Variants in KCNIP1 observed in about 807,000 individuals in gnomAD.
KCNIP1 encodes the protein potassium voltage-gated channel interacting protein 1, also known as A-type potassium channel modulatory protein KCNIP1.
A neutral mutation model predicts 33.0 loss-of-function variants in KCNIP1; 18 were observed. The observed-to-expected ratio is 0.55, with a 90% CI of 0.38 to 0.81. The LOEUF (loss-of-function observed/expected upper bound fraction) is 0.81, where lower values mean the gene tolerates loss of function less well. Among genes scored for constraint, KCNIP1 ranks in the 30% least tolerant of loss-of-function variants. KCNIP1 has a pLI of 0.00. For missense variants in KCNIP1, 238 were observed against 271.6 expected, an observed-to-expected ratio of 0.88 and a Z score of 0.87; for synonymous variants, 93 against 98.3, an observed-to-expected ratio of 0.95 and a Z score of 0.32.
At chr5:170,398,819 G>A (rs1353299531) in intron 1 of KCNIP1, among the ~76,000 whole-genome samples, 2 of 152,140 alleles carry the variant, frequency 1.3e-5, no homozygotes, top group Admixed American at 6.5e-5. Flanking sequence ...AGGTTATTCT[G>A]TAAACTTTCT....
intron 1 of KCNIP1, among the ~76,000 whole-genome samples, chr5:170,599,865 AT>A: frequency 6.6e-6 from 1 of 152,334 alleles, no homozygotes; most frequent in South Asian, 2.1e-4. Flanking sequence ...AAGAAAATAT[AT>A]TCTACACAGC....
intron 1 of KCNIP1, among the ~76,000 whole-genome samples, chr5:170,674,761 A>G (rs1404491006): frequency 6.6e-6 from 1 of 152,160 alleles, no homozygotes; most frequent in African/African-American, 2.4e-5. Flanking sequence ...ATGCCAGGGG[A>G]AAACCAGGAA....
intron 1 of KCNIP1, chr5:170,389,657 C>A (rs1764634303): frequency 6.6e-6 from 1 of 152,134 alleles, no homozygotes; most frequent in Non-Finnish European, 1.5e-5. Context: ...GGCAAAGATG[C>A]CAGAAATAGG....
intron 1 of KCNIP1, among the ~76,000 whole-genome samples, chr5:170,423,833 T>A (rs556979245): frequency 6.6e-6 from 1 of 152,200 alleles, no homozygotes; most frequent in Non-Finnish European, 1.5e-5. Flanking sequence ...CCGGGTGCTG[T>A]ATAAATGTTT....
intron 1 of KCNIP1, chr5:170,681,050 G>A (rs889667215): frequency 2.5e-6 from 1 of 399,540 alleles, no homozygotes; most frequent in Non-Finnish European, 4.4e-6. Flanking sequence ...GCTTGCCGGT[G>A]CGCCAGGGTG....
At chr5:170,647,124 G>A (rs893521543) in intron 1 of KCNIP1, among the ~76,000 whole-genome samples, 1 of 152,132 alleles carries the variant, frequency 6.6e-6, no homozygotes, top group Admixed American at 6.5e-5. Context: ...CCAAATAAAT[G>A]AAGAGTATTC....
chr5:170,539,216 C>T lies in KCNIP1; in HGVS notation c.61+34583C>T, dbSNP rs114923989. ...TACAAGTCACTATTAATTCATATGT[C>T]GGGTTGTCACTTCCTGGTTTTACTT... On this transcript the variant is annotated intron_variant, in intron 1 of 7. Coordinates refer to ENST00000328939, the MANE Select transcript of KCNIP1 (RefSeq NM_014592.4). 3.8e-3 allele frequency among the ~76,000 whole-genome samples: 572 copies of T among 152,270 alleles called. 4 individuals carry two copies. The highest frequency in any genetic ancestry group is 5.7e-3 in the Non-Finnish European group (385 of 68,024).
intron 1 of KCNIP1, among the ~76,000 whole-genome samples, chr5:170,581,847 C>T (rs1219045176): frequency 6.6e-6 from 1 of 152,160 alleles, no homozygotes; most frequent in African/African-American, 2.4e-5. Flanking sequence ...AGCATGGATC[C>T]AGTGTCTGCA....
chr5:170,606,788 C>A (rs184333592), intron 1 of KCNIP1, among the ~76,000 whole-genome samples: 1 of 152,378 alleles, frequency 6.6e-6, no homozygotes, highest in Admixed American at 6.5e-5. Flanking sequence ...CCCAGGCCCA[C>A]TCTCACTTGT....
intron 1 of KCNIP1, among the ~76,000 whole-genome samples, chr5:170,598,945 G>GTGTGTGTGTGTGTGT (rs751735473): frequency 4.0e-5 from 6 of 148,292 alleles, no homozygotes; most frequent in African/African-American, 1.5e-4. Context: ...GTGTGTGTTT[G>GTGTGTGTGTGTGTGT]GTGGGGTGGG....
At chr5:170,419,322 G>C (rs1253772079) in intron 1 of KCNIP1, among the ~76,000 whole-genome samples, 1 of 152,168 alleles carries the variant, frequency 6.6e-6, no homozygotes, top group Non-Finnish European at 1.5e-5. Context: ...AGTAATCAGA[G>C]AGGTGGAGGA....
intron 1 of KCNIP1, among the ~76,000 whole-genome samples, chr5:170,522,344 T>A (rs1310157256): frequency 6.6e-6 from 1 of 152,176 alleles, no homozygotes; most frequent in Non-Finnish European, 1.5e-5. Context: ...TCCACCAGCA[T>A]CCCGATGAGT....
chr5:170,477,437 TTTTG>T (rs1276842909), intron 1 of KCNIP1, among the ~76,000 whole-genome samples: 1 of 151,996 alleles, frequency 6.6e-6, no homozygotes, highest in African/African-American at 2.4e-5. Context: ...TTTTGTTTTG[TTTTG>T]TTTATTTGTT....
At position 170,460,412 on chromosome 5, in the gene KCNIP1, T is replaced by C. The variant is rs571555611; in HGVS notation, c.88+106448T>C. Among the ~76,000 whole-genome samples, 259 of 152,254 alleles carry C rather than the reference T, an allele frequency of 1.7e-3. 1 individual carries two copies. Among genetic ancestry groups the C allele is most frequent in the South Asian group, 0.013 (63 of 4,826 alleles). ...AAAGAAAACTACAGACCAATATCCC[T>C]GATGAACATAGATGCAAAAAATCCT... On this transcript the variant is annotated intron_variant, in intron 1 of 7. Transcript: ENST00000377360.
intron 1 of KCNIP1, among the ~76,000 whole-genome samples, chr5:170,710,983 T>C (rs968716465): frequency 6.6e-6 from 1 of 152,160 alleles, no homozygotes; most frequent in Non-Finnish European, 1.5e-5. Flanking sequence ...ACCAACAACA[T>C]CCTTCCCAAA....
rs956989039 is a variant in KCNIP1, at chr5:170,439,060, T to C, written c.88+85096T>C. On this transcript the variant is annotated intron_variant, in intron 1 of 7. Transcript: ENST00000377360. The stretch of plus-strand genomic sequence containing the variant: ...ATCAACTTAGATCCTAGTGGTAGGG[T>C]GGAGGGCTACAAATCAACTGACAAT... 1.1e-4 allele frequency among the ~76,000 whole-genome samples: 17 copies of C among 152,004 alleles called. 1 individual carries two copies. The highest frequency in any genetic ancestry group is 9.8e-4 in the Admixed American group (15 of 15,274).
intron 1 of KCNIP1, among the ~76,000 whole-genome samples, chr5:170,554,506 T>C (rs180973741): frequency 2.6e-4 from 39 of 152,306 alleles, no homozygotes; most frequent in Admixed American, 2.1e-3. Context: ...GGAGCAGCTC[T>C]TGAGGCCAGA....
Position 170,567,171 on chromosome 5 carries a change from T to C in KCNIP1, c.61+62538T>C, listed in dbSNP as rs1370741335. ...CCTAAGAATGTTAGGCAATATTTGG[T>C]GACATGTTTAATGAGCACAACCAGG... On this transcript the variant is annotated intron_variant, in intron 1 of 7. Coordinates refer to ENST00000328939, the MANE Select transcript of KCNIP1 (RefSeq NM_014592.4). Among the ~76,000 whole-genome samples the C allele has an allele frequency of 2.0e-5, 3 of 152,238 alleles. No homozygotes were observed. The East Asian group carries it at 5.8e-4, about 29-fold the overall frequency.
chr5:170,366,386 C>G (rs1299872595), intron 1 of KCNIP1, among the ~76,000 whole-genome samples: 1 of 152,222 alleles, frequency 6.6e-6, no homozygotes. Context: ...AGGACACCAC[C>G]CTGGAAGGGA....
Sources: gnomAD v4.1 joint callset for allele counts (sites outside exome capture counted in the v4.1 genomes callset) on GRCh38, gnomAD v4.1.1 for gene constraint, MANE v1.5 for transcripts, NCBI Gene and HGNC (gene_info 2026-07-23, HGNC 2026-07-21) for gene names.